The following PARK7 variants were observed in gnomAD, a reference collection of about 807,000 sequenced individuals.
PARK7 encodes Parkinson disease protein 7.
PARK7 carries 14 observed loss-of-function variants against 20.5 expected under a neutral mutation model. That is an observed-to-expected ratio of 0.68 (90% CI 0.45 to 1.07). The LOEUF is 1.07. PARK7 is among the 50% of genes least tolerant of loss of function. PARK7 has a pLI of 0.00. For missense variants in PARK7, 234 were observed against 238.1 expected, an observed-to-expected ratio of 0.98 and a Z score of 0.11; for synonymous variants, 98 against 84.3, an observed-to-expected ratio of 1.16 and a Z score of -0.89.
chr1:7,974,732 A>C (rs965798863), intron 5 of PARK7, among the ~76,000 whole-genome samples: 1 of 152,148 alleles, frequency 6.6e-6, no homozygotes, highest in Non-Finnish European at 1.5e-5. Context: ...ACTACACCAG[A>C]AATAGGAAAA....
intron 6 of PARK7, among the ~76,000 whole-genome samples, chr1:7,980,022 GT>G (rs1371215453): frequency 6.6e-6 from 1 of 151,956 alleles, no homozygotes; most frequent in Non-Finnish European, 1.5e-5. Context: ...TTAGCTGGGC[GT>G]GGTGGCGGGC....
intron 3 of PARK7, among the ~76,000 whole-genome samples, chr1:7,966,349 G>A (rs764042203): frequency 2.6e-5 from 4 of 151,788 alleles, no homozygotes; most frequent in Non-Finnish European, 5.9e-5. Context: ...TAGAAAATTA[G>A]ACTGTTGGTA....
chr1:7,969,420 C>CA lies in PARK7; in HGVS notation c.252+18dup. ...TTTATCTGAGGTAAAAAATTCTACT[C>CA]AATTATACCTCAATAAAGCTGGGGG... On this transcript the variant is annotated intron_variant, in intron 4 of 6. Transcript: ENST00000338639. The CA allele has an allele frequency of 6.4e-7, 1 of 1,570,408 alleles. No individual in the cohort carries two copies. Among genetic ancestry groups the CA allele is most frequent in the Non-Finnish European group, 8.7e-7 (1 of 1,143,826 alleles).
chr1:7,984,820 T>C lies in PARK7; in HGVS notation c.410-74T>C, dbSNP rs1297429463. ...TGGGTTTATATGCTGTAATAGTGAATTTAATTGGTAAGTAATCGTCTTTCT... is the reference window on the plus strand; with the variant it reads ...TGGGTTTATATGCTGTAATAGTGAACTTAATTGGTAAGTAATCGTCTTTCT... On this transcript the variant is annotated intron_variant, in intron 6 of 6. Transcript: ENST00000338639. The surrounding 1 kb of genome is among the most constrained non-coding windows in gnomAD (Gnocchi z 4.3). 1 of 1,565,440 alleles carries C rather than the reference T, an allele frequency of 6.4e-7. No homozygotes were observed. Among genetic ancestry groups the C allele is most frequent in the Admixed American group, 1.7e-5 (1 of 59,928 alleles).
chr1:7,965,878 C>T (rs1431047830), intron 3 of PARK7, among the ~76,000 whole-genome samples: 1 of 152,150 alleles, frequency 6.6e-6, no homozygotes, highest in African/African-American at 2.4e-5. Context: ...GGTGCAGTCA[C>T]AGCTCACTGC....
At chr1:7,969,893 T>A (rs1022393981) in intron 4 of PARK7, among the ~76,000 whole-genome samples, 3 of 152,218 alleles carry the variant, frequency 2.0e-5, no homozygotes, top group Non-Finnish European at 4.4e-5. Context: ...AAAACATTTT[T>A]AATATTTTCT....
intron 3 of PARK7, among the ~76,000 whole-genome samples, chr1:7,967,047 AAATCTCTCCCTATCCCC>A (rs1640345154): frequency 6.6e-6 from 1 of 152,162 alleles, no homozygotes; most frequent in Non-Finnish European, 1.5e-5. Context: ...ATCTTTTAAC[AAATCTCTCCCTATCCCC>A]ACTTTCTCCT....
intron 2 of PARK7, among the ~76,000 whole-genome samples, chr1:7,963,573 C>T (rs1173423445): frequency 2.6e-5 from 4 of 151,734 alleles, no homozygotes; most frequent in Non-Finnish European, 4.4e-5. Context: ...TGGGGTTTCA[C>T]CATGTTGGCC....
chr1:7,969,473 C>T (rs1425125925), intron 4 of PARK7, 69 bp downstream of exon 4: 2 of 1,069,460 alleles, frequency 1.9e-6, no homozygotes, highest in East Asian at 2.4e-5. Context: ...ATTTCAGCAT[C>T]TGCTTATGTT....
Position 7,984,439 on chromosome 1 carries a change from G to A in PARK7, c.410-455G>A, listed in dbSNP as rs1403121970. ...CACACGCACACTCACATGCATACCC[G>A]CCTCCATTACGTTGTGCTGTGGTTG... On this transcript the variant is annotated intron_variant, in intron 6 of 6. Coordinates refer to ENST00000338639, the MANE Select transcript of PARK7 (RefSeq NM_007262.5). The surrounding 1 kb of genome is among the most constrained non-coding windows in gnomAD (Gnocchi z 4.3). Among the ~76,000 whole-genome samples, 5 of 152,232 alleles carry A rather than the reference G, an allele frequency of 3.3e-5. No individual in the cohort carries two copies.
At chr1:7,976,711 T>TTTTA (rs774845839) in intron 5 of PARK7, among the ~76,000 whole-genome samples, 5 of 151,478 alleles carry the variant, frequency 3.3e-5, no homozygotes, top group Non-Finnish European at 7.4e-5. Flanking sequence ...TAATTTCCCA[T>TTTTA]TTTATTTATT....
intron 3 of PARK7, chr1:7,968,942 A>G (rs1640391127): frequency 5.9e-6 from 1 of 168,448 alleles, no homozygotes; most frequent in African/African-American, 2.4e-5. Flanking sequence ...GCCCCATCCC[A>G]CACTACTCCC....
At chr1:7,975,854 A>G (rs889626228) in intron 5 of PARK7, among the ~76,000 whole-genome samples, 1 of 152,258 alleles carries the variant, frequency 6.6e-6, no homozygotes, top group Non-Finnish European at 1.5e-5. Flanking sequence ...AAAACAATTT[A>G]TAAATCCATT....
At position 7,965,421 on chromosome 1, in the gene PARK7, A is replaced by C; in HGVS notation, c.188A>C (p.Lys63Thr). 6.2e-7 allele frequency: 1 copy of C among 1,614,044 alleles called. No individual in the cohort carries two copies. Among genetic ancestry groups the C allele is most frequent in the East Asian group, 2.2e-5 (1 of 44,884 alleles). ...GATGCCAGCCTTGAAGATGCAAAAAAAGAGGTTTGTAATCCATACATGGAG... is the reference window on the plus strand; with the variant it reads ...GATGCCAGCCTTGAAGATGCAAAAACAGAGGTTTGTAATCCATACATGGAG... ...CPDASLEDAK[K>T]EGPYDVVVLP... Residue 63 changes from lysine (K) to threonine (T), a missense_variant, in exon 3 of 7, where the codon AAA becomes ACA. Physicochemically the swap from Lys to Thr is moderately conservative, Grantham distance 78. Coordinates refer to ENST00000338639, the MANE Select transcript of PARK7 (RefSeq NM_007262.5).
At position 7,966,874 on chromosome 1, in the gene PARK7, G is replaced by A. The variant is rs529480725; in HGVS notation, c.192+1449G>A. On this transcript the variant is annotated intron_variant, in intron 3 of 6. Transcript: ENST00000338639. Reference sequence around the variant, plus strand: ...TTTCCATGCATAATATATAGTGATCGGATCAGAGTAATTAGCATATCCATC... The same window carrying A: ...TTTCCATGCATAATATATAGTGATCAGATCAGAGTAATTAGCATATCCATC... 9.9e-5 allele frequency among the ~76,000 whole-genome samples: 15 copies of A among 152,162 alleles called. No individual in the cohort carries two copies. In the South Asian group the frequency reaches 3.1e-3, roughly 32 times the overall value.
intron 5 of PARK7, among the ~76,000 whole-genome samples, chr1:7,972,724 T>C (rs144842744): frequency 1.8e-3 from 278 of 152,086 alleles, no homozygotes; most frequent in African/African-American, 6.4e-3. Context: ...GCAAACGTGG[T>C]GAAATCCCGT....
Position 7,965,311 on chromosome 1 carries a change from A to G in PARK7, c.91-13A>G. The G allele has an allele frequency of 1.2e-6, 2 of 1,607,868 alleles. No homozygotes were observed. Among genetic ancestry groups the G allele is most frequent in the Non-Finnish European group, 1.7e-6 (2 of 1,174,354 alleles). On this transcript the variant is annotated splice_polypyrimidine_tract_variant and intron_variant, in intron 2 of 6. Transcript: ENST00000338639. ...TTTCAGTGTTCTTAAATATGATAAC[A>G]TCTTTCTCGTAGATTAAGGTCACCG... is the stretch of plus-strand genomic sequence containing the variant.
In PARK7 at chr1:7,985,221, C is replaced by CA; in HGVS notation, c.*170dup. ...AACTACACAGAGATTTCTCAGCCTA[C>CA]AAATTGTGTCTATACATTTCTAAGC... On this transcript the variant is annotated 3_prime_UTR_variant, in exon 7 of 7. Transcript: ENST00000338639. 1.1e-6 allele frequency: 1 copy of CA among 890,690 alleles called. No individual in the cohort carries two copies. The highest frequency in any genetic ancestry group is 1.8e-6 in the Non-Finnish European group (1 of 569,598). 55.2% of individuals were successfully genotyped at this position (890,690 alleles called of 1,614,324 possible).
At chr1:7,980,117 T>C (rs225093) in intron 6 of PARK7, among the ~76,000 whole-genome samples, 103,187 of 148,420 alleles carry the variant, frequency 0.7, 36,680 homozygotes, top group African/African-American at 0.86. Flanking sequence ...GCTGAGATCG[T>C]GCCACTGCAC....
Sources: allele counts gnomAD v4.1 joint callset (sites outside exome capture counted in the v4.1 genomes callset), GRCh38; gene constraint gnomAD v4.1.1; non-coding constraint Gnocchi (gnomAD v3.1); transcripts MANE v1.5; gene names NCBI Gene and HGNC (gene_info 2026-07-23, HGNC 2026-07-21).